FYCO1: variants seen among roughly 807,000 people sequenced by gnomAD.
FYCO1 encodes FYVE and coiled-coil domain autophagy adaptor 1, also known as FYVE and coiled-coil domain-containing protein 1.
A neutral mutation model predicts 165.1 loss-of-function variants in FYCO1; 122 were observed. The ratio of observed to expected loss-of-function variants is 0.74; its 90% CI spans 0.64 to 0.86. The LOEUF is 0.86. FYCO1 is among the 40% of genes least tolerant of loss of function. The pLI is 0.00. For synonymous variants in FYCO1, 648 were observed against 742.5 expected, an observed-to-expected ratio of 0.87 and a Z score of 2.07; for missense variants, 1,702 against 1,810.3, an observed-to-expected ratio of 0.94 and a Z score of 1.09.
chr3:45,994,483 G>C (rs1006174640), intron 1 of FYCO1, among the ~76,000 whole-genome samples: 36 of 152,288 alleles, frequency 2.4e-4, no homozygotes, highest in African/African-American at 8.7e-4. Context: ...TATTTTCAGG[G>C]TGATAATAAC....
chr3:45,951,923 G>A (rs930602150), intron 14 of FYCO1, among the ~76,000 whole-genome samples: 16 of 152,212 alleles, frequency 1.1e-4, no homozygotes, highest in Non-Finnish European at 5.9e-5. Flanking sequence ...GTACATGTGC[G>A]AAAGAGAGAA....
chr3:45,987,615 G>A (rs1707371216), intron 1 of FYCO1, among the ~76,000 whole-genome samples: 1 of 152,254 alleles, frequency 6.6e-6, no homozygotes, highest in Non-Finnish European at 1.5e-5. Context: ...CCAACACAGA[G>A]GAGTTTGCAG....
chr3:45,967,184 T>C lies in FYCO1; in HGVS notation c.2150A>G (p.Glu717Gly). The C allele has an allele frequency of 6.2e-7, 1 of 1,613,806 alleles. No individual in the cohort carries two copies. The highest frequency in any genetic ancestry group is 2.2e-5 in the East Asian group (1 of 44,860). ...GECQQLREEV[E>G]QCQQLAEARH... ...GGCTTCTGCCAGTTGCTGGCACTGC[T>C]CCACCTCCTCCCGCAGCTGCTGACA... Residue 717 changes from glutamate (E) to glycine (G), a missense_variant, in exon 8 of 18, where the codon GAG (glutamate) becomes GGG (glycine). Coordinates refer to ENST00000296137, the MANE Select transcript of FYCO1 (RefSeq NM_024513.4).
At chr3:45,971,217 T>C (rs1260085156) in intron 6 of FYCO1, among the ~76,000 whole-genome samples, 1 of 152,170 alleles carries the variant, frequency 6.6e-6, no homozygotes, top group Non-Finnish European at 1.5e-5. Flanking sequence ...AATACTGCTA[T>C]GAATGAATAA....
intron 14 of FYCO1, chr3:45,946,542 G>C (rs144386806): frequency 1.2e-6 from 2 of 1,614,106 alleles, no homozygotes; most frequent in East Asian, 2.2e-5. Flanking sequence ...CAGCAGCCAG[G>C]AGGAGCATCA....
At chr3:45,924,263 C>T (rs977597861) in intron 16 of FYCO1, among the ~76,000 whole-genome samples, 1 of 152,214 alleles carries the variant, frequency 6.6e-6, no homozygotes, top group Admixed American at 6.5e-5. Flanking sequence ...CTAGGCCTGT[C>T]TCCTGGCTGT....
chr3:45,931,169 CT>C lies in FYCO1; in HGVS notation c.4152del (p.Gly1385AlafsTer80). ...GAGAAGACCCAGCTGATGGTGAGGC[CT>C]GCCTCGGCCACAGTGATGGGGATCA... The part of the protein sequence containing the change: ...YSLIPITVAE[A>X]GLTISWVFSS... On this transcript the variant is annotated frameshift_variant, in exon 16 of 18. Transcript: ENST00000296137. LOFTEE classifies it high-confidence loss of function. 4 of 1,614,096 alleles carry C rather than the reference CT, an allele frequency of 2.5e-6. No individual in the cohort carries two copies. Among genetic ancestry groups the C allele is most frequent in the Non-Finnish European group, 3.4e-6 (4 of 1,179,960 alleles).
chr3:45,966,450 G>C lies in FYCO1; in HGVS notation c.2884C>G (p.Gln962Glu), dbSNP rs1163826407. 2 of 1,611,898 alleles carry C rather than the reference G, an allele frequency of 1.2e-6. No individual in the cohort carries two copies. The highest frequency in any genetic ancestry group is 2.7e-5 in the African/African-American group (2 of 75,004). Residue 962 changes from glutamine (Q) to glutamate (E), a missense_variant, in exon 8 of 18, where the codon CAG becomes GAG. Transcript: ENST00000296137. ...AGLQQEKESL[Q>E]EKLKAAKAAA... ...GCCTTGGCCGCCTTCAGCTTCTCCT[G>C]CAAGCTCTCCTTCTCTTGCTGCAGC...
chr3:45,984,257 G>C (rs1166827868), intron 2 of FYCO1, among the ~76,000 whole-genome samples: 2 of 152,234 alleles, frequency 1.3e-5, no homozygotes, highest in Non-Finnish European at 2.9e-5. Flanking sequence ...TTTCTCCTGA[G>C]TCTATGAAAC....
Position 45,966,674 on chromosome 3 carries a change from G to A in FYCO1, c.2660C>T (p.Ala887Val), listed in dbSNP as rs1706039450. Residue 887 changes from alanine to valine, a missense_variant, in exon 8 of 18, where the codon GCA becomes GTA. Transcript: ENST00000296137. ...LSQAKCSSEE[A>V]QLEHAELQEQ... ...TTGCAGCTCAGCGTGCTCCAGCTGT[G>A]CTTCCTCGGAGCTGCATTTGGCCTG... 1 of 1,614,010 alleles carries A rather than the reference G, an allele frequency of 6.2e-7. No individual in the cohort carries two copies. Among genetic ancestry groups the A allele is most frequent in the Middle Eastern group, 1.6e-4 (1 of 6,062 alleles).
chr3:45,981,462 T>A (rs1489479395), intron 3 of FYCO1, 108 bp downstream of exon 3: 3 of 750,978 alleles, frequency 4.0e-6, no homozygotes, highest in Non-Finnish European at 7.1e-6. Context: ...CACGAGGGCT[T>A]ACTGGCTCCT....
chr3:45,979,314 T>G (rs1559465989), intron 4 of FYCO1, among the ~76,000 whole-genome samples: 2 of 152,216 alleles, frequency 1.3e-5, no homozygotes, highest in Admixed American at 6.5e-5. Context: ...GGGCAAAGTG[T>G]AGGGAAAGCA....
chr3:45,919,258 G>C lies in FYCO1; in HGVS notation c.*2507C>G, dbSNP rs940417577. The C allele has an allele frequency of 3.9e-5, 6 of 152,122 alleles. No individual in the cohort carries two copies. Among genetic ancestry groups the C allele is most frequent in the African/African-American group, 1.4e-4 (6 of 41,412 alleles). The allele number at this position is 152,122 out of a possible 1,614,324, so 9.4% of individuals were successfully genotyped here. On this transcript the variant is annotated 3_prime_UTR_variant, in exon 18 of 18. Transcript: ENST00000296137. ...GGAATCTGATTAATATCAGAATAAA[G>C]CTATTTATAAAAGCCACTCTTAAAT...
rs1192099520 is a variant in FYCO1, at chr3:45,984,863, G to A, written c.48C>T (p.Asp16=). 4 of 1,614,064 alleles carry A rather than the reference G, an allele frequency of 2.5e-6. No homozygotes were observed. Among genetic ancestry groups the A allele is most frequent in the East Asian group, 2.2e-5 (1 of 44,892 alleles). ...CCCAGCAACCTACCATACCTTGCAA[G>A]TCTCGGATGATTCTCTGGAGCTGGC... ...AESQLQRIIR[D]LQDAVTELSK... is the part of the protein sequence containing the mutation. Residue 16 remains aspartate (D), a synonymous_variant, in exon 2 of 18, where the codon GAC becomes GAT. Coordinates refer to ENST00000296137, the MANE Select transcript of FYCO1 (RefSeq NM_024513.4).
intron 14 of FYCO1, among the ~76,000 whole-genome samples, chr3:45,941,581 C>T (rs1435379885): frequency 7.2e-5 from 11 of 152,230 alleles, no homozygotes; most frequent in Non-Finnish European, 1.3e-4. Context: ...GCAAGTGGCT[C>T]AGCTCCTCAA....
At chr3:45,932,799 A>C (rs568353747) in intron 15 of FYCO1, among the ~76,000 whole-genome samples, 1 of 152,336 alleles carries the variant, frequency 6.6e-6, no homozygotes, top group South Asian at 2.1e-4. Context: ...CCATGTGTTA[A>C]ATTTTATTTC....
At chr3:45,989,080 G>A (rs1707448327) in intron 1 of FYCO1, among the ~76,000 whole-genome samples, 2 of 152,164 alleles carry the variant, frequency 1.3e-5, no homozygotes, top group Admixed American at 1.3e-4. Context: ...AGAATCATCA[G>A]GGGAGGAGGA....
chr3:45,928,377 T>C (rs972022274), intron 16 of FYCO1, among the ~76,000 whole-genome samples: 2 of 151,904 alleles, frequency 1.3e-5, no homozygotes, highest in Non-Finnish European at 2.9e-5. Flanking sequence ...GAGGACAGAG[T>C]CTGGATCCAA....
At chr3:45,981,470 C>G in intron 3 of FYCO1, 100 bp downstream of exon 3, 3 of 789,402 alleles carry the variant, frequency 3.8e-6, no homozygotes, top group South Asian at 2.9e-5. Flanking sequence ...CTTACTGGCT[C>G]CTTGGGCTTT....
Sources: allele counts gnomAD v4.1 joint callset (sites outside exome capture counted in the v4.1 genomes callset), GRCh38; gene constraint gnomAD v4.1.1; transcripts MANE v1.5; gene names NCBI Gene and HGNC (gene_info 2026-07-23, HGNC 2026-07-21).